The following GAB2 variants were observed in gnomAD, a reference collection of about 807,000 sequenced individuals.
GAB2 encodes GRB2-associated-binding protein 2.
GAB2 carries 26 observed loss-of-function variants against 65.5 expected under a neutral mutation model. That is an observed-to-expected ratio of 0.40 (90% confidence interval 0.29 to 0.55). The LOEUF (loss-of-function observed/expected upper bound fraction) is 0.55. Ranked by LOEUF, GAB2 falls within the 20% of genes least tolerant of loss-of-function variation. The pLI is 0.53. For missense variants in GAB2, 884 were observed against 875.8 expected (o/e 1.01, Z -0.12); for synonymous variants, 321 against 329.6 (o/e 0.97, Z 0.28).
At chr11:78,245,711 T>G (rs767139557) in intron 3 of GAB2, among the ~76,000 whole-genome samples, 2 of 152,246 alleles carry the variant, frequency 1.3e-5, no homozygotes, top group Non-Finnish European at 2.9e-5. Context: ...TTCACAGTTA[T>G]GCAGGGATTT....
intron 2 of GAB2, among the ~76,000 whole-genome samples, chr11:78,275,618 C>T (rs1282762161): frequency 6.6e-6 from 1 of 152,162 alleles, no homozygotes; most frequent in Non-Finnish European, 1.5e-5. Flanking sequence ...AGAAGGATCT[C>T]ACAAATAACC....
intron 1 of GAB2, among the ~76,000 whole-genome samples, chr11:78,405,773 T>C (rs532946466): frequency 6.6e-6 from 1 of 152,344 alleles, no homozygotes; most frequent in East Asian, 1.9e-4. Flanking sequence ...ATGAGTTTTC[T>C]TTATGCCTCA....
At chr11:78,267,689 G>C (rs570972913) in intron 2 of GAB2, among the ~76,000 whole-genome samples, 20 of 150,982 alleles carry the variant, frequency 1.3e-4, no homozygotes, top group African/African-American at 4.9e-4. Flanking sequence ...AAACCCCGTC[G>C]CTACTAAAAA....
intron 1 of GAB2, among the ~76,000 whole-genome samples, chr11:78,294,014 C>G (rs1866752553): frequency 6.6e-6 from 1 of 151,870 alleles, no homozygotes; most frequent in South Asian, 2.1e-4. Flanking sequence ...TGTGCTGCAC[C>G]CAGTAACTCC....
intron 1 of GAB2, among the ~76,000 whole-genome samples, chr11:78,291,294 CAAAA>C (rs397848614): frequency 5.8e-5 from 6 of 103,894 alleles, no homozygotes; most frequent in Admixed American, 4.3e-4. Context: ...ACTAAAACGA[CAAAA>C]AAAAAAAAAA....
chr11:78,348,086 T>A (rs1180178457), intron 1 of GAB2, among the ~76,000 whole-genome samples: 1 of 152,194 alleles, frequency 6.6e-6, no homozygotes, highest in Non-Finnish European at 1.5e-5. Context: ...AAGGTCTTTA[T>A]CTTCATCTTG....
chr11:78,402,581 C>T (rs1856988582), intron 1 of GAB2, among the ~76,000 whole-genome samples: 1 of 148,670 alleles, frequency 6.7e-6, no homozygotes, highest in Admixed American at 6.7e-5. Flanking sequence ...CCAATCGCCC[C>T]AGTAGCTGGG....
At chr11:78,242,550 A>C (rs1033601240) in intron 3 of GAB2, among the ~76,000 whole-genome samples, 1 of 152,174 alleles carries the variant, frequency 6.6e-6, no homozygotes, top group African/African-American at 2.4e-5. Context: ...GTCTGGAAAC[A>C]AATGAAAATA....
At chr11:78,389,843 T>C (rs974711865) in intron 1 of GAB2, among the ~76,000 whole-genome samples, 6 of 152,230 alleles carry the variant, frequency 3.9e-5, no homozygotes, top group African/African-American at 1.4e-4. Context: ...ATCAGTTTAC[T>C]ATCATTCTTT....
At chr11:78,326,141 T>G (rs535195647) in intron 1 of GAB2, among the ~76,000 whole-genome samples, 5 of 152,254 alleles carry the variant, frequency 3.3e-5, no homozygotes, top group Non-Finnish European at 7.3e-5. Context: ...AAATGCACTT[T>G]GCTTTATTCC....
At chr11:78,320,703 A>G (rs898996944) in intron 1 of GAB2, among the ~76,000 whole-genome samples, 7 of 146,856 alleles carry the variant, frequency 4.8e-5, no homozygotes, top group Admixed American at 4.8e-4. Context: ...GGTGTGCATG[A>G]CCACACCTGG....
chr11:78,290,733 A>T (rs1866642057), intron 1 of GAB2, among the ~76,000 whole-genome samples: 1 of 152,154 alleles, frequency 6.6e-6, no homozygotes, highest in Admixed American at 6.5e-5. Context: ...GAGCGATTTG[A>T]TTTATTTTTA....
intron 2 of GAB2, among the ~76,000 whole-genome samples, chr11:78,252,302 C>T (rs149019971): frequency 6.6e-6 from 1 of 152,216 alleles, no homozygotes; most frequent in Admixed American, 6.5e-5. Context: ...CTGTATTGAC[C>T]CCCAAAATTA....
At chr11:78,239,679 C>T (rs1286418887) in intron 3 of GAB2, among the ~76,000 whole-genome samples, 1 of 152,264 alleles carries the variant, frequency 6.6e-6, no homozygotes, top group South Asian at 2.1e-4. Flanking sequence ...CAGTTTGGAA[C>T]AAGGACGAAG....
chr11:78,226,619 G>GGGGGGGCCC lies in GAB2; in HGVS notation c.1052_1053insGGGCCCCCC (p.Pro351_Pro352insGlyProPro). ...GACTTGGCTTGGGGGGGCGGGGTGG[G>GGGGGGGCCC]GGAGCTATGGCTGAGTCCCCAGGAG... is the stretch of plus-strand genomic sequence containing the variant. On this transcript the variant is annotated inframe_insertion, in exon 4 of 10. Transcript: ENST00000361507. 2.1e-6 allele frequency: 2 copies of GGGGGGGCCC among 952,208 alleles called. No homozygotes were observed. The highest frequency in any genetic ancestry group is 3.2e-6 in the Non-Finnish European group (2 of 620,398). 59.0% of individuals were successfully genotyped at this position (952,208 alleles called of 1,614,324 possible).
chr11:78,319,851 C>T (rs1855687768), intron 1 of GAB2, among the ~76,000 whole-genome samples: 1 of 151,118 alleles, frequency 6.6e-6, no homozygotes, highest in African/African-American at 2.4e-5. Flanking sequence ...GAGTATCTGG[C>T]AGAGATATAA....
chr11:78,378,322 TGC>T (rs1339483352), intron 1 of GAB2, among the ~76,000 whole-genome samples: 1 of 152,232 alleles, frequency 6.6e-6, no homozygotes, highest in Non-Finnish European at 1.5e-5. Flanking sequence ...TATGATTGTG[TGC>T]CCAAGGTCGC....
At chr11:78,232,114 A>G (rs1227862017) in intron 3 of GAB2, among the ~76,000 whole-genome samples, 3 of 152,234 alleles carry the variant, frequency 2.0e-5, no homozygotes, top group Non-Finnish European at 4.4e-5. Context: ...TAAAAGTTGT[A>G]TATTTTGCCT....
intron 1 of GAB2, among the ~76,000 whole-genome samples, chr11:78,290,791 C>A (rs1866643899): frequency 6.6e-6 from 1 of 152,078 alleles, no homozygotes. Context: ...GAGCAGTCTA[C>A]GGAAAACCAA....
Sources: allele counts gnomAD v4.1 joint callset (sites outside exome capture counted in the v4.1 genomes callset), GRCh38; gene constraint gnomAD v4.1.1; transcripts MANE v1.5; gene names NCBI Gene and HGNC (gene_info 2026-07-23, HGNC 2026-07-21).